The following UIMC1 variants were observed in gnomAD, a reference collection of about 807,000 sequenced individuals.
The protein encoded by UIMC1 is ubiquitin interaction motif containing 1.
In UIMC1, 42 loss-of-function variants were observed where a neutral mutation model predicts 84.9. The ratio of observed to expected loss-of-function variants is 0.49; its 90% CI spans 0.39 to 0.64. The LOEUF (loss-of-function observed/expected upper bound fraction) is 0.64, where lower values mean the gene tolerates loss of function less well. Among genes scored for constraint, UIMC1 ranks in the 30% least tolerant of loss-of-function variants. UIMC1 has a pLI of 0.00. For missense variants in UIMC1, 825 were observed against 847.6 expected (o/e 0.97, Z 0.33); for synonymous variants, 281 against 293.0 (o/e 0.96, Z 0.42).
rs184122255 is a variant in UIMC1, at chr5:176,992,515, A to C, written c.-8-9892T>G. Reference sequence around the variant, plus strand: ...ATAAAGCTTTCTTAGGACATAAAGAAATTTTTTAAATTGATAAATTTGACT... The same window carrying C: ...ATAAAGCTTTCTTAGGACATAAAGACATTTTTTAAATTGATAAATTTGACT... On this transcript the variant is annotated intron_variant, in intron 1 of 14. Coordinates refer to ENST00000511320, the MANE Select transcript of UIMC1 (RefSeq NM_001199298.2). 1.6e-3 allele frequency among the ~76,000 whole-genome samples: 249 copies of C among 151,226 alleles called. 2 individuals are homozygous for C. The highest frequency in any genetic ancestry group is 5.8e-3 in the African/African-American group (237 of 40,676).
chr5:176,999,528 A>C (rs1774140962), intron 1 of UIMC1, among the ~76,000 whole-genome samples: 1 of 151,796 alleles, frequency 6.6e-6, no homozygotes, highest in Admixed American at 6.6e-5. Flanking sequence ...GGTACCCACT[A>C]ACCATCCCCA....
intron 1 of UIMC1, among the ~76,000 whole-genome samples, chr5:177,003,840 C>A (rs534751324): frequency 1.3e-5 from 2 of 152,172 alleles, no homozygotes; most frequent in East Asian, 3.9e-4. Context: ...CGTGTGTGCA[C>A]GTGTATTGTT....
Position 176,965,485 on chromosome 5 carries a change from T to C in UIMC1, c.1200+3070A>G, listed in dbSNP as rs369769205. Among the ~76,000 whole-genome samples the C allele has an allele frequency of 2.1e-4, 32 of 152,214 alleles. No individual in the cohort carries two copies. The South Asian group carries it at 5.8e-3, about 28-fold the overall frequency. On this transcript the variant is annotated intron_variant, in intron 6 of 14. Transcript: ENST00000511320. ...TAAAGTCCTCTTTTAATTTTTTTATTTTTATTTATTTATTTTAGTAGAGAC... is the reference window on the plus strand; with the variant it reads ...TAAAGTCCTCTTTTAATTTTTTTATCTTTATTTATTTATTTTAGTAGAGAC...
chr5:177,002,586 G>A (rs1774686511), intron 1 of UIMC1, among the ~76,000 whole-genome samples: 1 of 152,138 alleles, frequency 6.6e-6, no homozygotes, highest in African/African-American at 2.4e-5. Flanking sequence ...TGGATCACGA[G>A]GTCAGGAAAT....
intron 2 of UIMC1, among the ~76,000 whole-genome samples, chr5:176,975,780 T>C (rs1034871799): frequency 6.6e-6 from 1 of 152,216 alleles, no homozygotes; most frequent in Non-Finnish European, 1.5e-5. Flanking sequence ...TCAGAGTAGC[T>C]TGATTGAAGA....
rs962752007 is a variant in UIMC1, at chr5:176,943,326, G to C, written c.1597+9C>G. 6.2e-7 allele frequency: 1 copy of C among 1,612,400 alleles called. No individual in the cohort carries two copies. The highest frequency in any genetic ancestry group is 2.2e-5 in the East Asian group (1 of 44,846). ...AAGTAAGAGTTTGGCTGTCCTGCTG[G>C]GTCTTTACCTGTATCTTCCTCCATC... On this transcript the variant is annotated intron_variant, in intron 10 of 14. Transcript: ENST00000511320.
intron 1 of UIMC1, among the ~76,000 whole-genome samples, chr5:176,991,197 G>A (rs1220473570): frequency 1.3e-5 from 2 of 151,572 alleles, no homozygotes; most frequent in Non-Finnish European, 2.9e-5. Flanking sequence ...TTTTAGTAGA[G>A]ATGGGGTTTC....
At chr5:177,000,933 T>G (rs1198742766) in intron 1 of UIMC1, among the ~76,000 whole-genome samples, 2 of 152,208 alleles carry the variant, frequency 1.3e-5, no homozygotes. Context: ...ATGGGTAGTT[T>G]GCAAATATTT....
intron 2 of UIMC1, among the ~76,000 whole-genome samples, chr5:176,980,767 G>C (rs1770912353): frequency 6.6e-6 from 1 of 151,598 alleles, no homozygotes; most frequent in Non-Finnish European, 1.5e-5. Context: ...TTTTCTTTCT[G>C]TTTTAGATGG....
At chr5:177,021,657 C>CTT (rs745476437) in intron 1 of UIMC1, among the ~76,000 whole-genome samples, 3 of 143,750 alleles carry the variant, frequency 2.1e-5, no homozygotes, top group African/African-American at 2.5e-5. Context: ...AGGACTTTGG[C>CTT]TTTTTTTTTT....
intron 1 of UIMC1, among the ~76,000 whole-genome samples, chr5:177,017,449 G>A (rs1188412821): frequency 2.0e-5 from 3 of 152,074 alleles, no homozygotes; most frequent in African/African-American, 4.8e-5. Flanking sequence ...GTACAGTGGC[G>A]CAATCTCGGT....
chr5:176,908,471 A>C (rs1759693642), intron 12 of UIMC1, 52 bp downstream of exon 12: 2 of 1,567,876 alleles, frequency 1.3e-6, no homozygotes, highest in South Asian at 2.4e-5. Context: ...GGCCTCTTAC[A>C]ACTGACAACC....
At chr5:176,956,070 TA>T in intron 7 of UIMC1, 35 bp from the exon 8 acceptor site, 1 of 1,605,336 alleles carries the variant, frequency 6.2e-7, no homozygotes. Context: ...GAATTCCCAG[TA>T]AAATAAATCA....
chr5:176,976,682 A>C (rs1408841387), intron 2 of UIMC1, among the ~76,000 whole-genome samples: 1 of 152,264 alleles, frequency 6.6e-6, no homozygotes, highest in Non-Finnish European at 1.5e-5. Context: ...ACAAAAGGCC[A>C]CATATATTGT....
intron 1 of UIMC1, among the ~76,000 whole-genome samples, chr5:177,015,864 G>A (rs182409407): frequency 6.6e-6 from 1 of 152,196 alleles, no homozygotes; most frequent in Non-Finnish European, 1.5e-5. Context: ...GAGGTCAAGA[G>A]TTCGAGACCA....
At chr5:176,919,671 T>C (rs1351251627) in intron 10 of UIMC1, among the ~76,000 whole-genome samples, 1 of 152,204 alleles carries the variant, frequency 6.6e-6, no homozygotes, top group East Asian at 1.9e-4. Context: ...TCATACGTAG[T>C]ATAAACAAGT....
intron 3 of UIMC1, among the ~76,000 whole-genome samples, chr5:176,971,952 T>A (rs993355781): frequency 2.0e-5 from 3 of 152,150 alleles, no homozygotes; most frequent in African/African-American, 7.2e-5. Flanking sequence ...CATACTAATA[T>A]TTTTTAAAAA....
intron 1 of UIMC1, among the ~76,000 whole-genome samples, chr5:176,991,030 CAG>C (rs1453086483): frequency 6.6e-6 from 1 of 151,552 alleles, no homozygotes; most frequent in East Asian, 1.9e-4. Flanking sequence ...TTTTTTGAGA[CAG>C]AGTCTCGCTC....
At chr5:176,981,398 C>T (rs988154899) in intron 2 of UIMC1, among the ~76,000 whole-genome samples, 1 of 152,078 alleles carries the variant, frequency 6.6e-6, no homozygotes, top group Non-Finnish European at 1.5e-5. Flanking sequence ...CTCGCCTCGG[C>T]CTCCCAAAGT....
Sources: allele counts gnomAD v4.1 joint callset (sites outside exome capture counted in the v4.1 genomes callset), GRCh38; gene constraint gnomAD v4.1.1; transcripts MANE v1.5; gene names NCBI Gene and HGNC (gene_info 2026-07-23, HGNC 2026-07-21).